TRPM3: variants seen among roughly 807,000 people sequenced by gnomAD.
TRPM3 encodes the protein long transient receptor potential channel 3.
In TRPM3, 77 loss-of-function variants were observed where a neutral mutation model predicts 181.2. The ratio of observed to expected loss-of-function variants is 0.42; its 90% CI spans 0.35 to 0.51. The LOEUF (loss-of-function observed/expected upper bound fraction) is 0.51. TRPM3 is among the 20% of genes least tolerant of loss of function. The probability of loss-of-function intolerance (pLI) is 0.01; values close to 1 mark genes in which losing one functional copy is unlikely to be tolerated. For missense variants in TRPM3, 1,759 were observed against 2,196.7 expected (o/e 0.80, Z 3.98); for synonymous variants, 745 against 796.4 (o/e 0.94, Z 1.09).
chr9:70,685,934 A>G (rs1054143293), intron 8 of TRPM3, among the ~76,000 whole-genome samples: 6 of 151,374 alleles, frequency 4.0e-5, no homozygotes, highest in Non-Finnish European at 7.4e-5. Flanking sequence ...ATTTCCTTTT[A>G]CTAAAAATTG....
intron 9 of TRPM3, among the ~76,000 whole-genome samples, chr9:70,668,721 G>C (rs1353959160): frequency 5.5e-5 from 8 of 146,636 alleles, no homozygotes; most frequent in African/African-American, 2.0e-4. Flanking sequence ...TTCTATATTA[G>C]TTGTTATTGT....
chr9:70,951,967 G>T (rs2097006894), intron 1 of TRPM3, among the ~76,000 whole-genome samples: 1 of 152,166 alleles, frequency 6.6e-6, no homozygotes, highest in Admixed American at 6.5e-5. Flanking sequence ...AGATGAAAAT[G>T]ATTTAGGGGA....
At chr9:71,079,459 A>T (rs1291038929) in intron 1 of TRPM3, among the ~76,000 whole-genome samples, 2 of 152,150 alleles carry the variant, frequency 1.3e-5, no homozygotes, top group Non-Finnish European at 2.9e-5. Context: ...GAGGTGTGTG[A>T]TCTCAGTTAA....
chr9:70,553,178 A>AG lies in TRPM3; in HGVS notation c.3355dup (p.Leu1119ProfsTer7). ...CACTTACTTAAAGACAGCAATGAGGAGGTTGACCAGCAAGATGTTTGCCAC... is the reference window on the plus strand; with the variant it reads ...CACTTACTTAAAGACAGCAATGAGGAGGGTTGACCAGCAAGATGTTTGCCAC... On this transcript the variant is annotated frameshift_variant, in exon 23 of 26. Transcript: ENST00000677713. LOFTEE classifies it high-confidence loss of function. 6.2e-7 allele frequency: 1 copy of AG among 1,614,150 alleles called. No homozygotes were observed. The highest frequency in any genetic ancestry group is 8.5e-7 in the Non-Finnish European group (1 of 1,180,034).
In TRPM3 at chr9:70,625,542, T is replaced by C; in HGVS notation, c.1633-25A>G. On this transcript the variant is annotated intron_variant, in intron 12 of 25. Transcript: ENST00000677713. This position sits in a 1 kb window ranked among gnomAD's most constrained non-coding sequence, Gnocchi z 4.8. ...GCTTGGAAAGAAGACATAAGTTAAA[T>C]AAGAAGATGCAGTAATCGTCGGCAA... 6.2e-7 allele frequency: 1 copy of C among 1,605,058 alleles called. No homozygotes were observed. The highest frequency in any genetic ancestry group is 8.5e-7 in the Non-Finnish European group (1 of 1,176,282).
intron 9 of TRPM3, among the ~76,000 whole-genome samples, 180 bp from the exon 10 acceptor site, chr9:70,640,840 A>G (rs112903864): frequency 1.2e-3 from 177 of 152,284 alleles, no homozygotes; most frequent in African/African-American, 3.9e-3. Context: ...TCTTTGTCAC[A>G]GGGCTCTCCT....
intron 1 of TRPM3, among the ~76,000 whole-genome samples, chr9:71,225,827 T>C (rs942224090): frequency 5.9e-5 from 9 of 151,550 alleles, no homozygotes; most frequent in African/African-American, 1.7e-4. Flanking sequence ...CCACTGATTT[T>C]TGTATTTTTA....
intron 6 of TRPM3, among the ~76,000 whole-genome samples, chr9:70,805,645 T>G (rs754462392): frequency 7.2e-5 from 11 of 152,074 alleles, no homozygotes; most frequent in Non-Finnish European, 1.3e-4. Flanking sequence ...CAAGTGACAT[T>G]TCCTACATAC....
chr9:71,312,292 C>T (rs888071348), intron 1 of TRPM3, among the ~76,000 whole-genome samples: 4 of 151,944 alleles, frequency 2.6e-5, no homozygotes, highest in South Asian at 2.1e-4. Flanking sequence ...GACAAACAAG[C>T]GTAAAGATGC....
Position 71,383,960 on chromosome 9 carries a change from C to A in TRPM3, c.183+62693G>T, listed in dbSNP as rs929267989. ...ATAAGTTAGAGTTTTTTGAAACACA[C>A]CAACAAGAAAAATTCATCAAAAGCT... On this transcript the variant is annotated intron_variant, in intron 1 of 24. Transcript: ENST00000357533. Among the ~76,000 whole-genome samples the A allele has an allele frequency of 2.0e-5, 3 of 152,116 alleles. No individual in the cohort carries two copies. In the South Asian group the frequency reaches 6.2e-4, roughly 31 times the overall value.
At chr9:70,858,478 C>T (rs1388128698) in intron 3 of TRPM3, among the ~76,000 whole-genome samples, 1 of 152,140 alleles carries the variant, frequency 6.6e-6, no homozygotes, top group Admixed American at 6.6e-5. Flanking sequence ...AGCTCCACCC[C>T]TTTGCCCAGA....
chr9:71,073,132 T>C (rs1226349277), intron 1 of TRPM3, among the ~76,000 whole-genome samples: 11 of 152,160 alleles, frequency 7.2e-5, no homozygotes, highest in Non-Finnish European at 1.6e-4. Flanking sequence ...GTCGTAGTGA[T>C]GGTCTCAAGT....
At chr9:70,829,483 A>T (rs2131720125) in intron 5 of TRPM3, among the ~76,000 whole-genome samples, 1 of 152,328 alleles carries the variant, frequency 6.6e-6, no homozygotes, top group East Asian at 1.9e-4. Flanking sequence ...ATCTCATTTA[A>T]ATATAAAATG....
rs569903992 is a variant in TRPM3, at chr9:71,404,602, T to C, written c.183+42051A>G. On this transcript the variant is annotated intron_variant, in intron 1 of 24. Transcript: ENST00000357533. ...TGCTATCACCTTCTGATTGCTTTTG[T>C]TGCCTTGCTGGCTCTGGTCTTTTCC... Among the ~76,000 whole-genome samples the C allele has an allele frequency of 1.2e-3, 176 of 152,302 alleles. 2 individuals carry two copies. The highest frequency in any genetic ancestry group is 4.0e-3 in the African/African-American group (166 of 41,576).
chr9:70,840,133 A>G (rs1320534576), intron 5 of TRPM3, among the ~76,000 whole-genome samples: 1 of 152,194 alleles, frequency 6.6e-6, no homozygotes, highest in Non-Finnish European at 1.5e-5. Flanking sequence ...AGAAAAATTT[A>G]TCTCAAACTA....
chr9:71,329,396 T>C (rs189921372), intron 1 of TRPM3, among the ~76,000 whole-genome samples: 37 of 152,362 alleles, frequency 2.4e-4, no homozygotes, highest in South Asian at 1.2e-3. Context: ...GATTCTTCAC[T>C]ATTTCCATTG....
intron 1 of TRPM3, among the ~76,000 whole-genome samples, chr9:71,398,089 A>G (rs1351295125): frequency 6.6e-6 from 1 of 152,234 alleles, no homozygotes; most frequent in Non-Finnish European, 1.5e-5. Flanking sequence ...TAAGCTAATC[A>G]GCCCCATGAT....
intron 1 of TRPM3, among the ~76,000 whole-genome samples, chr9:71,213,210 T>G (rs1300979188): frequency 1.3e-5 from 2 of 152,208 alleles, no homozygotes; most frequent in East Asian, 3.8e-4. Context: ...TGGCCATGTT[T>G]CAATAAAATT....
At chr9:71,170,956 G>A (rs1269026753) in intron 1 of TRPM3, among the ~76,000 whole-genome samples, 3 of 152,116 alleles carry the variant, frequency 2.0e-5, no homozygotes, top group South Asian at 4.1e-4. Flanking sequence ...GAGAAACATC[G>A]CTGAATTATT....
Sources: gnomAD v4.1 joint callset for allele counts (sites outside exome capture counted in the v4.1 genomes callset) on GRCh38, gnomAD v4.1.1 for gene constraint, Gnocchi (gnomAD v3.1) non-coding constraint, MANE v1.5 for transcripts, NCBI Gene and HGNC (gene_info 2026-07-23, HGNC 2026-07-21) for gene names.